CACNA1C: variants seen among roughly 807,000 people sequenced by gnomAD.
CACNA1C encodes the protein calcium voltage-gated channel subunit alpha1 C, also known as voltage-dependent L-type calcium channel subunit alpha-1C.
A neutral mutation model predicts 229.0 loss-of-function variants in CACNA1C; 30 were observed. The ratio of observed to expected loss-of-function variants is 0.13; its 90% CI spans 0.10 to 0.18. The LOEUF (loss-of-function observed/expected upper bound fraction) is 0.18, where lower values mean the gene tolerates loss of function less well. Among genes scored for constraint, CACNA1C ranks in the 10% least tolerant of loss-of-function variants. CACNA1C has a pLI of 1.00. For missense variants in CACNA1C, 1,658 were observed against 2,845.0 expected, an observed-to-expected ratio of 0.58 and a Z score of 9.49; for synonymous variants, 1,114 against 1,132.5, an observed-to-expected ratio of 0.98 and a Z score of 0.33.
intron 5 of CACNA1C, among the ~76,000 whole-genome samples, chr12:2,476,725 A>G (rs1407678147): frequency 6.6e-6 from 1 of 152,234 alleles, no homozygotes; most frequent in African/African-American, 2.4e-5. Context: ...TTGGGGAACC[A>G]GTTACCCACC....
chr12:2,511,385 C>A (rs764230429), intron 8 of CACNA1C, among the ~76,000 whole-genome samples: 5 of 152,232 alleles, frequency 3.3e-5, no homozygotes, highest in Non-Finnish European at 5.9e-5. Context: ...GACTCAGAAG[C>A]AGAGCCCTTT....
intron 15 of CACNA1C, among the ~76,000 whole-genome samples, chr12:2,583,513 C>A (rs1189176603): frequency 1.3e-5 from 2 of 152,226 alleles, no homozygotes; most frequent in Non-Finnish European, 2.9e-5. Flanking sequence ...GCTTCTCTTC[C>A]CCAGCTCATA....
In CACNA1C at chr12:2,677,447, AG is replaced by A; in HGVS notation, c.4956+227del. 1.6e-6 allele frequency: 1 copy of A among 617,252 alleles called. No individual in the cohort carries two copies. The highest frequency in any genetic ancestry group is 2.8e-6 in the Non-Finnish European group (1 of 357,068). 38.2% of individuals were successfully genotyped at this position (617,252 alleles called of 1,614,324 possible). ...CCTCCATGGTTCTGCCTGCTGTCATAGCCCCCAGATCTCTCAAATACTTCAC... is the reference window on the plus strand; with the variant it reads ...CCTCCATGGTTCTGCCTGCTGTCATACCCCCAGATCTCTCAAATACTTCAC... On this transcript the variant is annotated intron_variant, in intron 40 of 46. Coordinates refer to ENST00000399655, the MANE Select transcript of CACNA1C (RefSeq NM_000719.7). This position sits in a 1 kb window ranked among gnomAD's most constrained non-coding sequence, Gnocchi z 7.4.
chr12:2,486,958 T>G lies in CACNA1C; in HGVS notation c.916+696T>G, dbSNP rs2154570721. On this transcript the variant is annotated intron_variant, in intron 6 of 46. Transcript: ENST00000399655. The surrounding 1 kb of genome is among the most constrained non-coding windows in gnomAD (Gnocchi z 4.9). ...ACGTTCCTTCCATAAATCAATATAT[T>G]TAACAGCAATGCTGGCTCATTAGGC... 6.6e-6 allele frequency among the ~76,000 whole-genome samples: 1 copy of G among 152,316 alleles called. No homozygotes were observed. Among genetic ancestry groups the G allele is most frequent in the South Asian group, 2.1e-4 (1 of 4,816 alleles).
At chr12:2,068,814 C>A (rs775986220) in intron 1 of CACNA1C, among the ~76,000 whole-genome samples, 1 of 152,156 alleles carries the variant, frequency 6.6e-6, no homozygotes, top group Non-Finnish European at 1.5e-5. Context: ...TCAAGGGCAG[C>A]GCTGACCCCA....
At chr12:2,007,592 A>T (rs990853930) in intron 1 of CACNA1C, among the ~76,000 whole-genome samples, 1 of 152,206 alleles carries the variant, frequency 6.6e-6, no homozygotes, top group Non-Finnish European at 1.5e-5. Context: ...AGATACCCTT[A>T]CTTTGCTTAC....
intron 3 of CACNA1C, among the ~76,000 whole-genome samples, chr12:2,250,688 C>T (rs918728969): frequency 1.3e-5 from 2 of 152,224 alleles, no homozygotes; most frequent in African/African-American, 4.8e-5. Context: ...CTGACTTGAT[C>T]ATTGTGGTGA....
intron 3 of CACNA1C, among the ~76,000 whole-genome samples, chr12:2,422,151 C>A (rs1425660382): frequency 1.3e-5 from 2 of 152,170 alleles, no homozygotes; most frequent in East Asian, 3.8e-4. Flanking sequence ...AGTGATTCTT[C>A]CTCCATGAGA....
chr12:2,619,915 A>G (rs2082425995), intron 29 of CACNA1C, among the ~76,000 whole-genome samples: 1 of 152,140 alleles, frequency 6.6e-6, no homozygotes, highest in African/African-American at 2.4e-5. Context: ...TGAGACTTGT[A>G]GCATCCCCAG....
intron 8 of CACNA1C, among the ~76,000 whole-genome samples, chr12:2,510,160 G>A (rs1002742694): frequency 2.0e-5 from 3 of 152,178 alleles, no homozygotes; most frequent in African/African-American, 7.2e-5. Flanking sequence ...GTGACTGATT[G>A]TCTTGCCGGC....
chr12:2,020,373 G>T (rs2154487149), intron 1 of CACNA1C: 1 of 152,306 alleles, frequency 6.6e-6, no homozygotes, highest in South Asian at 2.1e-4. Context: ...GAGCTGGTTT[G>T]GATGCCTAGG....
chr12:2,036,583 A>G (rs965940089), intron 1 of CACNA1C, among the ~76,000 whole-genome samples: 2 of 151,952 alleles, frequency 1.3e-5, no homozygotes, highest in Non-Finnish European at 2.9e-5. Context: ...CTCCTGCCTC[A>G]GCCTCCCCAG....
intron 1 of CACNA1C, among the ~76,000 whole-genome samples, chr12:2,096,389 T>C (rs2073987296): frequency 6.6e-6 from 1 of 152,174 alleles, no homozygotes; most frequent in South Asian, 2.1e-4. Context: ...TCCTGCCACA[T>C]ATCTCTCCTC....
At chr12:2,162,630 C>T (rs1463980256) in intron 3 of CACNA1C, among the ~76,000 whole-genome samples, 1 of 151,962 alleles carries the variant, frequency 6.6e-6, no homozygotes, top group Non-Finnish European at 1.5e-5. Flanking sequence ...AAAGGACGTG[C>T]CCCCGTGAAT....
At chr12:2,448,475 A>G (rs183299262) in intron 3 of CACNA1C, among the ~76,000 whole-genome samples, 1 of 152,132 alleles carries the variant, frequency 6.6e-6, no homozygotes, top group African/African-American at 2.4e-5. Flanking sequence ...TTGTGGCTGC[A>G]TTTTTGCTCT....
intron 29 of CACNA1C, among the ~76,000 whole-genome samples, chr12:2,622,884 C>A (rs1201239257): frequency 6.6e-6 from 1 of 152,196 alleles, no homozygotes; most frequent in Admixed American, 6.5e-5. Context: ...TGGTGGCCTT[C>A]TGTGGGGCCT....
intron 3 of CACNA1C, among the ~76,000 whole-genome samples, chr12:2,237,375 G>A (rs967980940): frequency 6.6e-6 from 1 of 152,198 alleles, no homozygotes; most frequent in African/African-American, 2.4e-5. Context: ...TCTCCACTGA[G>A]GCCTGTGACA....
chr12:2,607,258 C>A, intron 26 of CACNA1C, 128 bp downstream of exon 26: 1 of 908,674 alleles, frequency 1.1e-6, no homozygotes, highest in Non-Finnish European at 1.7e-6. Flanking sequence ...GGGTCCTCCC[C>A]AGGCAGTGAG....
chr12:2,213,531 A>G (rs1281117739), intron 3 of CACNA1C, among the ~76,000 whole-genome samples: 2 of 152,172 alleles, frequency 1.3e-5, no homozygotes, highest in Admixed American at 1.3e-4. Flanking sequence ...AGGCTTTGCT[A>G]ATTCTCACTC....
Sources: gnomAD v4.1 joint callset for allele counts (sites outside exome capture counted in the v4.1 genomes callset) on GRCh38, gnomAD v4.1.1 for gene constraint, Gnocchi (gnomAD v3.1) non-coding constraint, MANE v1.5 for transcripts, NCBI Gene and HGNC (gene_info 2026-07-23, HGNC 2026-07-21) for gene names.